The following SDK1 variants were observed in gnomAD, a reference collection of about 807,000 sequenced individuals.
The protein encoded by SDK1 is sidekick cell adhesion molecule 1, also known as protein sidekick-1.
In SDK1, 157 loss-of-function variants were observed where a neutral mutation model predicts 245.5. The observed-to-expected ratio is 0.64, with a 90% confidence interval of 0.56 to 0.73. The LOEUF is 0.73. Ranked by LOEUF, SDK1 falls within the 30% of genes least tolerant of loss-of-function variation. The pLI is 0.00. For synonymous variants in SDK1, 1,647 were observed against 1,278.5 expected, an observed-to-expected ratio of 1.29 and a Z score of -6.15; for missense variants, 3,583 against 3,002.3, an observed-to-expected ratio of 1.19 and a Z score of -4.52.
intron 5 of SDK1, among the ~76,000 whole-genome samples, chr7:3,832,425 C>G (rs563873376): frequency 6.6e-6 from 1 of 152,110 alleles, no homozygotes; most frequent in Non-Finnish European, 1.5e-5. Context: ...TATTACTGTT[C>G]ATTGTAAACG....
intron 19 of SDK1, among the ~76,000 whole-genome samples, chr7:4,057,275 A>G (rs551659757): frequency 2.0e-5 from 3 of 152,228 alleles, no homozygotes; most frequent in East Asian, 1.9e-4. Context: ...CTCCCCCAGT[A>G]TGAGCAACAC....
At chr7:3,480,738 G>A (rs955800204) in intron 1 of SDK1, among the ~76,000 whole-genome samples, 5 of 152,294 alleles carry the variant, frequency 3.3e-5, no homozygotes, top group South Asian at 4.1e-4. Flanking sequence ...CCAGTCTCTC[G>A]TTTATTTTAC....
rs191282018 is a variant in SDK1 at position 3,822,538 on chromosome 7, G to A, written c.847+955G>A. 2.1e-3 allele frequency among the ~76,000 whole-genome samples: 316 copies of A among 152,248 alleles called. 2 individuals carry two copies. Among genetic ancestry groups the A allele is most frequent in the Admixed American group, 4.4e-3 (67 of 15,300 alleles). ...TGATCCCAGCAATTTGGGAGGCCAA[G>A]GCAGGCATATTACTTGAGGTCAAGA... On this transcript the variant is annotated intron_variant, in intron 5 of 44. Transcript: ENST00000404826.
chr7:4,194,347 G>GTATATAC (rs1562415871), intron 35 of SDK1, among the ~76,000 whole-genome samples: 6 of 105,218 alleles, frequency 5.7e-5, no homozygotes, highest in South Asian at 3.3e-4. Flanking sequence ...TACATGTATA[G>GTATATAC]ATATATGTAT....
At chr7:3,434,642 C>T (rs1779966780) in intron 1 of SDK1, among the ~76,000 whole-genome samples, 2 of 152,190 alleles carry the variant, frequency 1.3e-5, no homozygotes. Flanking sequence ...AGTAACCAAG[C>T]TGGGGTTTCA....
At chr7:4,005,097 G>A (rs192765395) in intron 14 of SDK1, among the ~76,000 whole-genome samples, 6 of 131,242 alleles carry the variant, frequency 4.6e-5, no homozygotes, top group Middle Eastern at 5.1e-3. Flanking sequence ...CCAGGCTGTA[G>A]TGCAGTGGCT....
chr7:3,752,375 T>C lies in SDK1; in HGVS notation c.714-69075T>C, dbSNP rs367687120. Among the ~76,000 whole-genome samples the C allele has an allele frequency of 2.5e-4, 38 of 152,316 alleles. No individual in the cohort carries two copies. The East Asian group carries it at 5.8e-3, about 23-fold the overall frequency. On this transcript the variant is annotated intron_variant, in intron 4 of 44. Transcript: ENST00000404826. ...CCTTCACTTTGATACATAATTACTA[T>C]TCTGCAAGTGAGCTTAATACTTTTA... is the stretch of plus-strand genomic sequence containing the variant.
At chr7:4,238,849 A>C (rs1421682204) in intron 42 of SDK1, among the ~76,000 whole-genome samples, 1 of 152,000 alleles carries the variant, frequency 6.6e-6, no homozygotes, top group Non-Finnish European at 1.5e-5. Context: ...CGCCCTGCCG[A>C]GATCCTGTCT....
At chr7:4,217,391 C>T (rs528042595) in intron 38 of SDK1, among the ~76,000 whole-genome samples, 1 of 140,748 alleles carries the variant, frequency 7.1e-6, no homozygotes, top group Non-Finnish European at 1.5e-5. Context: ...ACCCGGAGCA[C>T]CACACCACCC....
intron 22 of SDK1, among the ~76,000 whole-genome samples, chr7:4,094,633 A>G (rs1368040575): frequency 1.3e-5 from 2 of 152,184 alleles, no homozygotes; most frequent in Non-Finnish European, 2.9e-5. Flanking sequence ...AAGGACCGGG[A>G]CCTCAGAGGA....
intron 5 of SDK1, among the ~76,000 whole-genome samples, chr7:3,837,105 A>G (rs542370707): frequency 6.6e-6 from 1 of 152,096 alleles, no homozygotes; most frequent in South Asian, 2.1e-4. Context: ...CTGTCTTCAA[A>G]TACAGTCACA....
At chr7:3,440,076 C>G (rs1296148655) in intron 1 of SDK1, among the ~76,000 whole-genome samples, 1 of 152,128 alleles carries the variant, frequency 6.6e-6, no homozygotes, top group Admixed American at 6.5e-5. Context: ...TAGTTTCAGT[C>G]ACCTGTGGTC....
chr7:3,915,439 G>C (rs1409842634), intron 5 of SDK1, among the ~76,000 whole-genome samples: 1 of 152,208 alleles, frequency 6.6e-6, no homozygotes, highest in East Asian at 1.9e-4. Flanking sequence ...TTCCCATGCT[G>C]TTCTTGTGGT....
In SDK1 at chr7:4,178,521, C is replaced by A; in HGVS notation, c.5033C>A (p.Thr1678Asn). Reference sequence around the variant, plus strand: ...TACCGGCGCTATGAAGTAATAATGACCGCCTATAACATCATCGGCGAGAGC... The same window carrying A: ...TACCGGCGCTATGAAGTAATAATGAACGCCTATAACATCATCGGCGAGAGC... ...KKYRRYEVIM[T>N]AYNIIGESPA... is the part of the protein sequence containing the mutation. The change falls in exon 35 of 45, where the codon ACC becomes AAC. Residue 1678 changes from threonine to asparagine, a missense_variant. By Grantham distance (65) the Thr-to-Asn change is moderately conservative (BLOSUM62 0). Transcript: ENST00000404826. 6.2e-7 allele frequency: 1 copy of A among 1,613,888 alleles called. No homozygotes were observed. The highest frequency in any genetic ancestry group is 8.5e-7 in the Non-Finnish European group (1 of 1,179,846).
At chr7:3,912,620 C>A (rs564445461) in intron 5 of SDK1, among the ~76,000 whole-genome samples, 1 of 152,336 alleles carries the variant, frequency 6.6e-6, no homozygotes, top group Non-Finnish European at 1.5e-5. Flanking sequence ...CTCTCCCAGG[C>A]AGGCATGGCT....
intron 4 of SDK1, among the ~76,000 whole-genome samples, chr7:3,720,027 A>G (rs561265070): frequency 6.6e-6 from 1 of 152,128 alleles, no homozygotes; most frequent in Non-Finnish European, 1.5e-5. Flanking sequence ...TTTGGGATCT[A>G]AGACTAAGAG....
chr7:3,630,689 G>A (rs943172680), intron 2 of SDK1, among the ~76,000 whole-genome samples: 4 of 152,126 alleles, frequency 2.6e-5, no homozygotes, highest in African/African-American at 9.7e-5. Flanking sequence ...GGATAAATCT[G>A]ACACAGGGTC....
intron 1 of SDK1, among the ~76,000 whole-genome samples, chr7:3,376,154 G>A (rs1200568521): frequency 1.3e-5 from 2 of 152,096 alleles, no homozygotes; most frequent in Admixed American, 6.6e-5. Flanking sequence ...CCATGATCAT[G>A]CCTCTGCACT....
intron 4 of SDK1, among the ~76,000 whole-genome samples, chr7:3,768,986 G>A (rs1004175895): frequency 2.6e-5 from 4 of 152,088 alleles, no homozygotes; most frequent in Non-Finnish European, 5.9e-5. Context: ...TAGGTGTGCC[G>A]GGTGACATCT....
Sources: allele counts gnomAD v4.1 joint callset (sites outside exome capture counted in the v4.1 genomes callset), GRCh38; gene constraint gnomAD v4.1.1; transcripts MANE v1.5; gene names NCBI Gene and HGNC (gene_info 2026-07-23, HGNC 2026-07-21).